Variants in SAFB2 observed in about 807,000 individuals in gnomAD.
SAFB2 encodes the protein scaffold attachment factor B2.
Under a neutral mutation model 100.6 loss-of-function variants are expected in SAFB2, and 32 were observed. The ratio of observed to expected loss-of-function variants is 0.32; its 90% CI spans 0.24 to 0.43. SAFB2 has a LOEUF of 0.43. Among genes scored for constraint, SAFB2 ranks in the 20% least tolerant of loss-of-function variants. The pLI is 1.00. For missense variants in SAFB2, 1,185 were observed against 1,163.4 expected (o/e 1.02, Z -0.27); for synonymous variants, 500 against 439.4 (o/e 1.14, Z -1.72).
intron 4 of SAFB2, 84 bp from the exon 5 acceptor site, chr19:5,613,611 T>C: frequency 2.6e-6 from 4 of 1,556,582 alleles, no homozygotes; most frequent in Non-Finnish European, 3.5e-6. Flanking sequence ...AACTTGTGTG[T>C]CTATTTCCCT....
At chr19:5,606,562 G>A (rs868441472) in intron 9 of SAFB2, among the ~76,000 whole-genome samples, 1 of 152,132 alleles carries the variant, frequency 6.6e-6, no homozygotes, top group Non-Finnish European at 1.5e-5. Context: ...GGGAGCTCGA[G>A]GCTGCAGTGA....
chr19:5,603,980 G>A (rs2145337904), intron 11 of SAFB2, among the ~76,000 whole-genome samples: 2 of 152,364 alleles, frequency 1.3e-5, no homozygotes, highest in South Asian at 4.1e-4. Context: ...CAAGGGACCA[G>A]AATATGGAAA....
rs766367132 is a variant in SAFB2, at chr19:5,587,230, C to T, written c.*13G>A. The T allele has an allele frequency of 4.3e-6, 7 of 1,609,924 alleles. No individual in the cohort carries two copies. The highest frequency in any genetic ancestry group is 3.7e-4 in the Middle Eastern group (2 of 5,478). On this transcript the variant is annotated 3_prime_UTR_variant, in exon 21 of 21. Coordinates refer to ENST00000252542, the MANE Select transcript of SAFB2 (RefSeq NM_014649.3). The surrounding 1 kb of genome is among the most constrained non-coding windows in gnomAD (Gnocchi z 4.9). ...GTGCGTCTGCCCACCCGAAAACTCG[C>T]AGCGAGTGGGACTTAGTAGCGGCGG...
At chr19:5,617,568 T>C (rs1292231991) in intron 2 of SAFB2, among the ~76,000 whole-genome samples, 1 of 152,142 alleles carries the variant, frequency 6.6e-6, no homozygotes, top group Non-Finnish European at 1.5e-5. Context: ...GGAAACAAAT[T>C]ACAGCATATT....
At chr19:5,593,124 C>T (rs8107229) in intron 15 of SAFB2, among the ~76,000 whole-genome samples, 4,027 of 152,328 alleles carry the variant, frequency 0.026, 194 homozygotes, top group African/African-American at 0.093. Flanking sequence ...AAAAGGAGCA[C>T]TGCTGTGAGC....
At position 5,622,538 on chromosome 19, in the gene SAFB2, G is replaced by A. The variant is rs1176083480; in HGVS notation, c.178C>T (p.Leu60Phe). Reference sequence around the variant, plus strand: ...GCCCCGCGCCGCCTCACCTTCTTGAGCCGCTCCATCAGGACGCTCTTGTTG... The same window carrying A: ...GCCCCGCGCCGCCTCACCTTCTTGAACCGCTCCATCAGGACGCTCTTGTTG... ...GGNKSVLMER[L>F]KKAVKEEGQD... is the part of the protein sequence containing the mutation. The change falls in exon 1 of 21, where the codon CTC becomes TTC. Residue 60 changes from leucine to phenylalanine, a missense_variant. By Grantham distance (22) the Leu-to-Phe change is conservative. Around this residue, in one of 3 missense-constraint regions of SAFB2, gnomAD observed 351 missense variants for 341.2 expected, o/e 1.03. Transcript: ENST00000252542. 2 of 1,611,970 alleles carry A rather than the reference G, an allele frequency of 1.2e-6. No homozygotes were observed. Among genetic ancestry groups the A allele is most frequent in the Non-Finnish European group, 1.7e-6 (2 of 1,179,254 alleles).
In SAFB2 at chr19:5,590,290, G is replaced by A. The variant is rs777698607; in HGVS notation, c.2513C>T (p.Pro838Leu). ...DKRLSEGRGLPPPPRGGRDWG... is the reference protein window; with the variant it reads ...DKRLSEGRGLLPPPRGGRDWG... ...CTCACCCACTAACCTGGGGGGAGGG[G>A]GCAGCCCCCGGCCTTCACTCAGCCT... The change falls in exon 18 of 21, where the codon CCC (proline) becomes CTC (leucine). Residue 838 changes from proline (P) to leucine (L), a missense_variant. Physicochemically the swap from Pro to Leu is moderately conservative, Grantham distance 98 (BLOSUM62 -3). This residue lies in a region of SAFB2 where 740 missense variants were observed against 687.1 expected (regional missense o/e 1.08). Transcript: ENST00000252542. The A allele has an allele frequency of 8.8e-6, 14 of 1,599,404 alleles. No individual in the cohort carries two copies. The South Asian group carries it at 1.2e-4, about 14-fold the overall frequency.
chr19:5,587,675 C>A lies in SAFB2; in HGVS notation c.2705+26G>T. On this transcript the variant is annotated intron_variant, in intron 20 of 20. Transcript: ENST00000252542. This position sits in a 1 kb window ranked among gnomAD's most constrained non-coding sequence, Gnocchi z 4.9. ...GAAGTGAGGAGCAGGAGTGAACCAC[C>A]GTCCTCCACGGACGACACACCTTAC... 2.0e-6 allele frequency: 3 copies of A among 1,535,832 alleles called. No individual in the cohort carries two copies. The highest frequency in any genetic ancestry group is 2.6e-6 in the Non-Finnish European group (3 of 1,139,640).
chr19:5,612,585 A>T lies in SAFB2; in HGVS notation c.607-18T>A. The T allele has an allele frequency of 6.2e-7, 1 of 1,610,322 alleles. No homozygotes were observed. The highest frequency in any genetic ancestry group is 2.2e-5 in the East Asian group (1 of 44,874). On this transcript the variant is annotated intron_variant, in intron 5 of 20. Transcript: ENST00000252542. ...TCAATGTCCTATTTAAAAAAGAAAAAGCAAATCCACAAGTCACTTTAAACA... is the reference window on the plus strand; with the variant it reads ...TCAATGTCCTATTTAAAAAAGAAAATGCAAATCCACAAGTCACTTTAAACA...
chr19:5,588,069 T>TC, intron 18 of SAFB2, 89 bp from the exon 19 acceptor site: 1 of 1,135,028 alleles, frequency 8.8e-7, no homozygotes, highest in South Asian at 1.5e-5. Context: ...CTCAGCTGCA[T>TC]GGTGGGTCAT....
intron 12 of SAFB2, among the ~76,000 whole-genome samples, chr19:5,599,310 C>T (rs1320543000): frequency 1.3e-5 from 2 of 152,156 alleles, no homozygotes; most frequent in African/African-American, 2.4e-5. Flanking sequence ...CCTTGCCAGA[C>T]GGGTGGGCTT....
At chr19:5,612,302 G>A (rs2052925170) in intron 6 of SAFB2, 1 of 561,620 alleles carries the variant, frequency 1.8e-6, no homozygotes. Context: ...TACGTGGTTA[G>A]ACATGAAAAG....
intron 13 of SAFB2, 77 bp from the exon 14 acceptor site, chr19:5,595,574 ATGAGAC>A: frequency 6.5e-7 from 1 of 1,544,708 alleles, no homozygotes. Context: ...GCACGTGTGC[ATGAGAC>A]TAAGATTCTC....
At chr19:5,594,210 C>G in intron 14 of SAFB2, 32 bp from the exon 15 acceptor site, 2 of 1,526,658 alleles carry the variant, frequency 1.3e-6, no homozygotes, top group Non-Finnish European at 1.7e-6. Flanking sequence ...CCCTGAACTC[C>G]CTGCGTGAGC....
chr19:5,613,719 G>A, intron 4 of SAFB2, 192 bp from the exon 5 acceptor site: 1 of 985,442 alleles, frequency 1.0e-6, no homozygotes, highest in Non-Finnish European at 1.2e-6. Flanking sequence ...TGCTCCACCA[G>A]CGTCTCTGGC....
intron 13 of SAFB2, among the ~76,000 whole-genome samples, chr19:5,597,959 G>A (rs1016053337): frequency 4.6e-5 from 7 of 151,872 alleles, no homozygotes; most frequent in South Asian, 2.1e-4. Context: ...GCAAAATCCC[G>A]TCTCTACTAA....
chr19:5,599,463 G>A (rs186591442), intron 12 of SAFB2, among the ~76,000 whole-genome samples: 137 of 152,326 alleles, frequency 9.0e-4, no homozygotes, highest in Middle Eastern at 3.4e-3. Flanking sequence ...CACGTTCCTC[G>A]TGAGACTCAG....
At chr19:5,603,374 C>A (rs1200926157) in intron 11 of SAFB2, among the ~76,000 whole-genome samples, 1 of 152,222 alleles carries the variant, frequency 6.6e-6, no homozygotes, top group African/African-American at 2.4e-5. Context: ...TGTCCACAGA[C>A]ATGTTTACCC....
At chr19:5,605,383 G>T (rs1355305776) in intron 9 of SAFB2, among the ~76,000 whole-genome samples, 1 of 152,106 alleles carries the variant, frequency 6.6e-6, no homozygotes, top group Non-Finnish European at 1.5e-5. Context: ...GGGATTACAG[G>T]CATGAGACAC....
Sources: allele counts gnomAD v4.1 joint callset (sites outside exome capture counted in the v4.1 genomes callset), GRCh38; gene constraint gnomAD v4.1.1; regional missense constraint gnomAD v4.1.1; non-coding constraint Gnocchi (gnomAD v3.1); transcripts MANE v1.5; gene names NCBI Gene and HGNC (gene_info 2026-07-23, HGNC 2026-07-21).